PTGFRN: variants seen among roughly 807,000 people sequenced by gnomAD.
PTGFRN encodes the protein prostaglandin F2 receptor negative regulator.
Under a neutral mutation model 83.2 loss-of-function variants are expected in PTGFRN, and 35 were observed. The ratio of observed to expected loss-of-function variants is 0.42; its 90% CI spans 0.32 to 0.56. The LOEUF (loss-of-function observed/expected upper bound fraction) is 0.56. Ranked by LOEUF, PTGFRN falls within the 20% of genes least tolerant of loss-of-function variation. The probability of loss-of-function intolerance (pLI) is 0.11; values close to 1 mark genes in which losing one functional copy is unlikely to be tolerated. For missense variants in PTGFRN, 1,051 were observed against 1,179.5 expected, an observed-to-expected ratio of 0.89 and a Z score of 1.60; for synonymous variants, 519 against 498.6, an observed-to-expected ratio of 1.04 and a Z score of -0.55.
chr1:116,919,887 GT>G (rs1193520456), intron 1 of PTGFRN, among the ~76,000 whole-genome samples: 3 of 152,256 alleles, frequency 2.0e-5, no homozygotes, highest in Non-Finnish European at 4.4e-5. Context: ...CTACTCACTA[GT>G]TTTGTGACCT....
intron 4 of PTGFRN, among the ~76,000 whole-genome samples, chr1:116,956,163 G>A (rs1201371299): frequency 1.3e-5 from 2 of 152,230 alleles, no homozygotes; most frequent in East Asian, 1.9e-4. Context: ...CTCCAGGAGT[G>A]TAAGTCTAAA....
chr1:116,968,697 A>G (rs1246963837), intron 6 of PTGFRN, among the ~76,000 whole-genome samples: 1 of 152,142 alleles, frequency 6.6e-6, no homozygotes, highest in Admixed American at 6.5e-5. Context: ...CTCATTAGTA[A>G]TCATTCCCAT....
intron 8 of PTGFRN, 56 bp downstream of exon 8, chr1:116,985,041 G>C (rs765731282): frequency 2.0e-5 from 31 of 1,555,844 alleles, no homozygotes; most frequent in Non-Finnish European, 2.7e-5. Context: ...CTTGTGCCAG[G>C]CTGTAGCTGA....
chr1:116,949,499 C>A lies in PTGFRN; in HGVS notation c.1140C>A (p.Pro380=), dbSNP rs375968155. ...YYYCHVSLWA[P]GHNRSWHKVA... is the part of the protein sequence containing the mutation. ...ACTGCCACGTGTCCCTGTGGGCACC[C>A]GGACACAACAGGAGCTGGCACAAAG... The change falls in exon 4 of 9, where the codon CCC becomes CCA. Residue 380 remains proline (P), a synonymous_variant. Coordinates refer to ENST00000393203, the MANE Select transcript of PTGFRN (RefSeq NM_020440.4). 1.2e-6 allele frequency: 2 copies of A among 1,614,140 alleles called. No homozygotes were observed. Among genetic ancestry groups the A allele is most frequent in the Non-Finnish European group, 8.5e-7 (1 of 1,180,040 alleles).
Position 116,942,159 on chromosome 1 carries a change from A to G in PTGFRN, c.418+76A>G. 5 of 1,511,036 alleles carry G rather than the reference A, an allele frequency of 3.3e-6. No individual in the cohort carries two copies. In the East Asian group the frequency reaches 9.1e-5, roughly 27 times the overall value. 93.6% of individuals were successfully genotyped at this position (1,511,036 alleles called of 1,614,324 possible). On this transcript the variant is annotated intron_variant, in intron 2 of 8. Coordinates refer to ENST00000393203, the MANE Select transcript of PTGFRN (RefSeq NM_020440.4). ...CCCTGGGCTGTGGTGGACTTTGTCA[A>G]GAGACTTAATTTCTCTGAGGCTCTG...
At chr1:116,950,392 A>G (rs1311933158) in intron 4 of PTGFRN, among the ~76,000 whole-genome samples, 1 of 152,006 alleles carries the variant, frequency 6.6e-6, no homozygotes, top group Non-Finnish European at 1.5e-5. Flanking sequence ...CACCTCCATT[A>G]TTACAGAGAT....
chr1:116,943,648 G>T (rs1335484585), intron 2 of PTGFRN, among the ~76,000 whole-genome samples: 1 of 152,122 alleles, frequency 6.6e-6, no homozygotes, highest in Non-Finnish European at 1.5e-5. Flanking sequence ...AGATGAGCTG[G>T]CCTTGAGAAC....
chr1:116,985,152 T>C (rs570489195), intron 8 of PTGFRN, among the ~76,000 whole-genome samples, 167 bp downstream of exon 8: 84 of 152,354 alleles, frequency 5.5e-4, no homozygotes, highest in African/African-American at 1.9e-3. Flanking sequence ...CCAGCAGCCC[T>C]TGCAGTTTCC....
intron 4 of PTGFRN, among the ~76,000 whole-genome samples, chr1:116,954,138 G>A (rs1042772368): frequency 6.6e-6 from 1 of 152,098 alleles, no homozygotes; most frequent in African/African-American, 2.4e-5. Flanking sequence ...GATTACAGGT[G>A]TGAGCCACCG....
intron 6 of PTGFRN, among the ~76,000 whole-genome samples, chr1:116,972,686 A>G (rs1205494163): frequency 6.6e-6 from 1 of 152,156 alleles, no homozygotes; most frequent in Non-Finnish European, 1.5e-5. Flanking sequence ...TTCCCAGGAA[A>G]CCCAAGGGGA....
At chr1:116,934,652 G>A (rs138051825) in intron 1 of PTGFRN, among the ~76,000 whole-genome samples, 279 of 151,506 alleles carry the variant, frequency 1.8e-3, no homozygotes, top group Non-Finnish European at 3.4e-3. Context: ...ACCAATATCT[G>A]GATCCCTGGA....
At chr1:116,927,706 T>A (rs538601517) in intron 1 of PTGFRN, among the ~76,000 whole-genome samples, 46 of 136,420 alleles carry the variant, frequency 3.4e-4, no homozygotes, top group African/African-American at 1.2e-3. Context: ...GCTAATTAAA[T>A]TTTTTTTTTT....
chr1:116,955,529 G>C (rs994428724), intron 4 of PTGFRN, among the ~76,000 whole-genome samples: 1 of 151,878 alleles, frequency 6.6e-6, no homozygotes, highest in Non-Finnish European at 1.5e-5. Context: ...GTATATCCCA[G>C]ACATCATGTC....
intron 2 of PTGFRN, among the ~76,000 whole-genome samples, chr1:116,943,459 C>T (rs1011281119): frequency 2.0e-5 from 3 of 152,180 alleles, no homozygotes; most frequent in African/African-American, 4.8e-5. Context: ...GCCTCTTCTG[C>T]TGTCTTTGGA....
intron 4 of PTGFRN, among the ~76,000 whole-genome samples, chr1:116,955,160 A>G (rs1650451743): frequency 6.6e-6 from 1 of 152,156 alleles, no homozygotes; most frequent in African/African-American, 2.4e-5. Context: ...GCCTTTCTTT[A>G]GGGGAGGGTC....
At chr1:116,971,174 G>A (rs1488537871) in intron 6 of PTGFRN, among the ~76,000 whole-genome samples, 3 of 151,952 alleles carry the variant, frequency 2.0e-5, no homozygotes, top group Non-Finnish European at 2.9e-5. Flanking sequence ...ACAATTTTAG[G>A]ACCTGCTTTT....
rs1310231739 is a variant in PTGFRN at position 116,978,064 on chromosome 1, A to G, written c.2167+3741A>G. Among the ~76,000 whole-genome samples, 26 of 152,366 alleles carry G rather than the reference A, an allele frequency of 1.7e-4. No homozygotes were observed. The East Asian group carries it at 4.6e-3, about 27-fold the overall frequency. On this transcript the variant is annotated intron_variant, in intron 7 of 8. Transcript: ENST00000393203. ...ATATCACCACTGATCCCACAGAAAT[A>G]CAAACTACCATCAGAGAATACTATA...
In PTGFRN at chr1:116,923,894, G is replaced by A. The variant is rs1286526541; in HGVS notation, c.49+13642G>A. 6.6e-6 allele frequency among the ~76,000 whole-genome samples: 1 copy of A among 152,040 alleles called. No homozygotes were observed. Among genetic ancestry groups the A allele is most frequent in the Non-Finnish European group, 1.5e-5 (1 of 67,994 alleles). ...CTGGGGGCACCTAAAAACATAGATC[G>A]ACACAGTCCTTTGACTCCTCCAGCA... is the stretch of plus-strand genomic sequence containing the variant. On this transcript the variant is annotated intron_variant, in intron 1 of 8. Coordinates refer to ENST00000393203, the MANE Select transcript of PTGFRN (RefSeq NM_020440.4). The surrounding 1 kb of genome is among the most constrained non-coding windows in gnomAD (Gnocchi z 4.0).
intron 1 of PTGFRN, among the ~76,000 whole-genome samples, chr1:116,938,673 C>T (rs553748228): frequency 6.6e-6 from 1 of 152,330 alleles, no homozygotes; most frequent in South Asian, 2.1e-4. Context: ...CATGTCCTCA[C>T]ATTTCAAAAC....
Sources: gnomAD v4.1 joint callset for allele counts (sites outside exome capture counted in the v4.1 genomes callset) on GRCh38, gnomAD v4.1.1 for gene constraint, Gnocchi (gnomAD v3.1) non-coding constraint, MANE v1.5 for transcripts, NCBI Gene and HGNC (gene_info 2026-07-23, HGNC 2026-07-21) for gene names.